RASGRP1: variants seen among roughly 807,000 people sequenced by gnomAD.
RASGRP1 encodes the protein RAS guanyl-releasing protein 1.
In RASGRP1, 37 loss-of-function variants were observed where a neutral mutation model predicts 95.1. The ratio of observed to expected loss-of-function variants is 0.39; its 90% CI spans 0.30 to 0.51. The LOEUF is 0.51. Among genes scored for constraint, RASGRP1 ranks in the 20% least tolerant of loss-of-function variants. RASGRP1 has a pLI of 0.80. For synonymous variants in RASGRP1, 325 were observed against 353.4 expected (o/e 0.92, Z 0.90); for missense variants, 711 against 965.4 (o/e 0.74, Z 3.49).
chr15:38,508,487 T>C (rs1441429254), intron 8 of RASGRP1, among the ~76,000 whole-genome samples: 3 of 152,148 alleles, frequency 2.0e-5, no homozygotes, highest in Admixed American at 6.6e-5. Flanking sequence ...GGGAAGAGCA[T>C]GTATTTTAAG....
At chr15:38,513,139 TCTTC>T (rs1432133434) in intron 6 of RASGRP1, among the ~76,000 whole-genome samples, 183 bp from the exon 7 acceptor site, 9 of 152,216 alleles carry the variant, frequency 5.9e-5, no homozygotes, top group African/African-American at 2.2e-4. Flanking sequence ...GGGAGGGAAA[TCTTC>T]CTTATTCTAC....
chr15:38,553,839 A>C (rs1286781280), intron 2 of RASGRP1, among the ~76,000 whole-genome samples: 1 of 152,132 alleles, frequency 6.6e-6, no homozygotes, highest in Non-Finnish European at 1.5e-5. Flanking sequence ...TGTTTTAGAG[A>C]TCTCCAAGAG....
chr15:38,528,994 C>T (rs191527443), intron 2 of RASGRP1, among the ~76,000 whole-genome samples: 1 of 152,180 alleles, frequency 6.6e-6, no homozygotes, highest in African/African-American at 2.4e-5. Flanking sequence ...CTCAGTTACC[C>T]CAACTAAAAA....
chr15:38,496,181 TAATG>T (rs1257630439), intron 15 of RASGRP1, among the ~76,000 whole-genome samples: 5 of 152,204 alleles, frequency 3.3e-5, no homozygotes, highest in Non-Finnish European at 7.4e-5. Flanking sequence ...TCCCCGATAA[TAATG>T]AGATAGAAAT....
intron 9 of RASGRP1, 127 bp downstream of exon 9, chr15:38,507,599 G>GAGAT: frequency 9.3e-7 from 1 of 1,074,680 alleles, no homozygotes; most frequent in Non-Finnish European, 1.3e-6. Flanking sequence ...CTATATGTTG[G>GAGAT]AGATAGTAAT....
intron 12 of RASGRP1, chr15:38,501,510 C>G: frequency 1.5e-6 from 1 of 679,374 alleles, no homozygotes; most frequent in East Asian, 3.0e-5. Flanking sequence ...CAGAGGTGTT[C>G]TTTGGCCAAA....
chr15:38,491,618 C>T (rs769010463), intron 16 of RASGRP1, among the ~76,000 whole-genome samples: 22 of 151,894 alleles, frequency 1.4e-4, no homozygotes, highest in Admixed American at 2.6e-4. Flanking sequence ...TATTAATATA[C>T]GTTATATATT....
chr15:38,511,094 C>G (rs1234533811), intron 8 of RASGRP1, among the ~76,000 whole-genome samples: 1 of 152,156 alleles, frequency 6.6e-6, no homozygotes, highest in Non-Finnish European at 1.5e-5. Context: ...TTATGTATTA[C>G]AAAATGGTAT....
intron 3 of RASGRP1, among the ~76,000 whole-genome samples, chr15:38,523,672 A>G (rs1892083956): frequency 6.6e-6 from 1 of 152,178 alleles, no homozygotes; most frequent in African/African-American, 2.4e-5. Context: ...TGCAAGCTCC[A>G]TTCATGGTAA....
At chr15:38,514,242 T>C (rs1891666602) in intron 6 of RASGRP1, among the ~76,000 whole-genome samples, 1 of 152,168 alleles carries the variant, frequency 6.6e-6, no homozygotes, top group African/African-American at 2.4e-5. Context: ...TACTGTGCTA[T>C]ATGGCTGCTG....
At chr15:38,501,317 G>T in intron 12 of RASGRP1, 30 bp from the exon 13 acceptor site, 1 of 1,612,270 alleles carries the variant, frequency 6.2e-7, no homozygotes, top group South Asian at 1.1e-5. Flanking sequence ...GCAAGGATGT[G>T]AGTATAAGGG....
intron 2 of RASGRP1, among the ~76,000 whole-genome samples, chr15:38,546,391 C>A (rs546551706): frequency 6.6e-6 from 1 of 152,126 alleles, no homozygotes; most frequent in Non-Finnish European, 1.5e-5. Context: ...CCACACCCAG[C>A]TAATTTTTGT....
At chr15:38,499,634 A>G (rs1279809707) in intron 14 of RASGRP1, among the ~76,000 whole-genome samples, 1 of 152,206 alleles carries the variant, frequency 6.6e-6, no homozygotes, top group African/African-American at 2.4e-5. Context: ...TATGCTGAGA[A>G]GTTGTGGACT....
At chr15:38,540,760 G>A (rs1892830124) in intron 2 of RASGRP1, among the ~76,000 whole-genome samples, 1 of 152,196 alleles carries the variant, frequency 6.6e-6, no homozygotes, top group African/African-American at 2.4e-5. Context: ...AGGTCATTGT[G>A]CAATAGAACA....
At chr15:38,542,842 T>TATACACATATATGTGTATATATATACAC (rs201973193) in intron 2 of RASGRP1, among the ~76,000 whole-genome samples, 1 of 115,304 alleles carries the variant, frequency 8.7e-6, no homozygotes, top group East Asian at 2.7e-4. Flanking sequence ...TGTGTATATA[T>TATACACATATATGTGTATATATATACAC]ATATATGTGT....
intron 13 of RASGRP1, 81 bp downstream of exon 13, chr15:38,501,062 G>A (rs1002483816): frequency 3.5e-6 from 5 of 1,441,620 alleles, no homozygotes; most frequent in African/African-American, 1.4e-5. Flanking sequence ...GGTTCATAAG[G>A]ATTGTGAGGT....
chr15:38,498,976 T>G, intron 14 of RASGRP1, 30 bp from the exon 15 acceptor site: 1 of 1,613,816 alleles, frequency 6.2e-7, no homozygotes, highest in Non-Finnish European at 8.5e-7. Flanking sequence ...GGTCAAGAAG[T>G]CTTTCACTTT....
At chr15:38,562,504 G>T (rs1332607162) in intron 1 of RASGRP1, among the ~76,000 whole-genome samples, 2 of 152,184 alleles carry the variant, frequency 1.3e-5, no homozygotes, top group Non-Finnish European at 2.9e-5. Context: ...GGGCTACATA[G>T]CCACTGCTGG....
Position 38,530,282 on chromosome 15 carries a change from C to T in RASGRP1, c.221-3878G>A, listed in dbSNP as rs141575672. On this transcript the variant is annotated intron_variant, in intron 2 of 16. Transcript: ENST00000310803. ...GAAGAGTAACTGGAAATACCCAGGGCCTCTGAAGCCTAGGTTTGGAGCTGG... is the reference window on the plus strand; with the variant it reads ...GAAGAGTAACTGGAAATACCCAGGGTCTCTGAAGCCTAGGTTTGGAGCTGG... Among the ~76,000 whole-genome samples the T allele has an allele frequency of 4.7e-3, 709 of 152,232 alleles. 8 individuals are homozygous for T. The highest frequency in any genetic ancestry group is 0.016 in the African/African-American group (677 of 41,542).
Sources: allele counts gnomAD v4.1 joint callset (sites outside exome capture counted in the v4.1 genomes callset), GRCh38; gene constraint gnomAD v4.1.1; transcripts MANE v1.5; gene names NCBI Gene and HGNC (gene_info 2026-07-23, HGNC 2026-07-21).